Variants in TSC22D1 observed in about 807,000 individuals in gnomAD.
TSC22D1 encodes TSC22 domain family member 1.
In TSC22D1, 9 loss-of-function variants were observed where a neutral mutation model predicts 74.2. The observed-to-expected ratio is 0.12, with a 90% CI of 0.07 to 0.21. TSC22D1 has a LOEUF of 0.21. Ranked by LOEUF, TSC22D1 falls within the 10% of genes least tolerant of loss-of-function variation. The pLI is 1.00. For synonymous variants in TSC22D1, 586 were observed against 492.5 expected, an observed-to-expected ratio of 1.19 and a Z score of -2.51; for missense variants, 1,427 against 1,304.7, an observed-to-expected ratio of 1.09 and a Z score of -1.44.
At chr13:44,557,003 C>T (rs907223124) in intron 1 of TSC22D1, among the ~76,000 whole-genome samples, 9 of 151,270 alleles carry the variant, frequency 5.9e-5, no homozygotes, top group Non-Finnish European at 1.0e-4. Flanking sequence ...ATTAGCCAGG[C>T]ATGGTGGTGC....
At position 44,454,705 on chromosome 13, in the gene TSC22D1, T is replaced by C. The variant is rs1317891839; in HGVS notation, c.2913-18610A>G. Reference sequence around the variant, plus strand: ...CTACACGTTATGTATATTACCTCATTTAATCCTTTAAATAACCACCTCATC... The same window carrying C: ...CTACACGTTATGTATATTACCTCATCTAATCCTTTAAATAACCACCTCATC... On this transcript the variant is annotated intron_variant, in intron 1 of 2. Transcript: ENST00000458659. 2.6e-5 allele frequency among the ~76,000 whole-genome samples: 4 copies of C among 152,306 alleles called. No individual in the cohort carries two copies. In the South Asian group the frequency reaches 6.2e-4, roughly 24 times the overall value.
intron 1 of TSC22D1, among the ~76,000 whole-genome samples, chr13:44,510,247 C>G (rs1879651732): frequency 6.6e-6 from 1 of 151,590 alleles, no homozygotes; most frequent in African/African-American, 2.4e-5. Flanking sequence ...ACAAAATTAG[C>G]CGGGCGTGGT....
At chr13:44,443,618 G>A (rs1365806234) in intron 1 of TSC22D1, among the ~76,000 whole-genome samples, 1 of 152,218 alleles carries the variant, frequency 6.6e-6, no homozygotes, top group Non-Finnish European at 1.5e-5. Context: ...AAAGGCTGAG[G>A]TGGGAGAACC....
intron 1 of TSC22D1, among the ~76,000 whole-genome samples, chr13:44,446,457 G>A (rs1192189491): frequency 6.6e-6 from 1 of 151,930 alleles, no homozygotes; most frequent in African/African-American, 2.4e-5. Flanking sequence ...AGAACTCAAA[G>A]ATGGGAGCAA....
intron 1 of TSC22D1, among the ~76,000 whole-genome samples, chr13:44,448,890 T>A (rs890095086): frequency 1.8e-5 from 1 of 54,342 alleles, no homozygotes; most frequent in Non-Finnish European, 3.9e-5. Flanking sequence ...AAATTCTAGA[T>A]CCGTGTGTGT....
intron 1 of TSC22D1, among the ~76,000 whole-genome samples, chr13:44,494,892 C>A (rs552965211): frequency 2.6e-5 from 4 of 152,100 alleles, no homozygotes; most frequent in Admixed American, 2.6e-4. Context: ...TCAACAAATA[C>A]AGAATATCAG....
intron 1 of TSC22D1, among the ~76,000 whole-genome samples, chr13:44,449,921 G>C (rs1359379908): frequency 6.6e-6 from 1 of 152,150 alleles, no homozygotes; most frequent in Admixed American, 6.5e-5. Flanking sequence ...GAAAGGCCAG[G>C]AACTTTAGGC....
chr13:44,434,434 A>G lies in TSC22D1; in HGVS notation c.*192T>C. 1 of 1,355,654 alleles carries G rather than the reference A, an allele frequency of 7.4e-7. No individual in the cohort carries two copies. Among genetic ancestry groups the G allele is most frequent in the Non-Finnish European group, 9.4e-7 (1 of 1,062,124 alleles). 84.0% of individuals were successfully genotyped at this position (1,355,654 alleles called of 1,614,324 possible). On this transcript the variant is annotated 3_prime_UTR_variant, in exon 3 of 3. Coordinates refer to ENST00000458659, the MANE Select transcript of TSC22D1 (RefSeq NM_183422.4). ...CTCGGATTAACCTTTAATTCACCCA[A>G]CTAAGAAATTTCTCCAAGCCATAAG...
chr13:44,501,120 T>C (rs1273373349), intron 1 of TSC22D1, among the ~76,000 whole-genome samples: 1 of 152,180 alleles, frequency 6.6e-6, no homozygotes, highest in Non-Finnish European at 1.5e-5. Context: ...CCGAAAAGAA[T>C]AGTGATTTGG....
At chr13:44,462,725 G>C (rs1191802527) in intron 1 of TSC22D1, among the ~76,000 whole-genome samples, 1 of 152,008 alleles carries the variant, frequency 6.6e-6, no homozygotes, top group Non-Finnish European at 1.5e-5. Context: ...GTTGATATAG[G>C]CTCTATTTCC....
intron 1 of TSC22D1, among the ~76,000 whole-genome samples, chr13:44,550,063 T>C (rs927161092): frequency 6.6e-6 from 1 of 152,100 alleles, no homozygotes; most frequent in African/African-American, 2.4e-5. Context: ...GTCTGGAAAG[T>C]AAAATGTTGC....
rs183248226 is a variant in TSC22D1 at position 44,511,554 on chromosome 13, T to C, written c.2912+61609A>G. ...CATATAACTAATTGACATATAGTAATTGTTCAATATGACAATCCAAAAACA... is the reference window on the plus strand; with the variant it reads ...CATATAACTAATTGACATATAGTAACTGTTCAATATGACAATCCAAAAACA... On this transcript the variant is annotated intron_variant, in intron 1 of 2. Coordinates refer to ENST00000458659, the MANE Select transcript of TSC22D1 (RefSeq NM_183422.4). Among the ~76,000 whole-genome samples the C allele has an allele frequency of 2.4e-3, 372 of 152,068 alleles. 1 individual carries two copies. Among genetic ancestry groups the C allele is most frequent in the Middle Eastern group, 0.014 (4 of 292 alleles).
At position 44,434,555 on chromosome 13, in the gene TSC22D1, A is replaced by G. The variant is rs1446992608; in HGVS notation, c.*71T>C. On this transcript the variant is annotated 3_prime_UTR_variant, in exon 3 of 3. Coordinates refer to ENST00000458659, the MANE Select transcript of TSC22D1 (RefSeq NM_183422.4). ...ATGAAATGGGTGACTGTGGAGGCAGATTCTCCCTAGCACATCTTCTCCGTC... is the reference window on the plus strand; with the variant it reads ...ATGAAATGGGTGACTGTGGAGGCAGGTTCTCCCTAGCACATCTTCTCCGTC... 1.4e-6 allele frequency: 2 copies of G among 1,479,236 alleles called. No homozygotes were observed. The highest frequency in any genetic ancestry group is 5.1e-5 in the Admixed American group (2 of 39,258). The allele number at this position is 1,479,236 out of a possible 1,614,324, so 91.6% of individuals were successfully genotyped here.
chr13:44,499,743 G>A (rs748775053), intron 1 of TSC22D1, among the ~76,000 whole-genome samples: 4 of 152,118 alleles, frequency 2.6e-5, no homozygotes, highest in African/African-American at 4.8e-5. Context: ...ATATTTTACA[G>A]GTTTGGGATC....
intron 1 of TSC22D1, among the ~76,000 whole-genome samples, chr13:44,454,320 A>C (rs1876387648): frequency 6.6e-6 from 1 of 152,236 alleles, no homozygotes; most frequent in Admixed American, 6.5e-5. Context: ...TTTAACACTG[A>C]GGTATGCTTG....
At chr13:44,500,293 C>T (rs972951059) in intron 1 of TSC22D1, among the ~76,000 whole-genome samples, 2 of 152,018 alleles carry the variant, frequency 1.3e-5, no homozygotes, top group African/African-American at 4.8e-5. Flanking sequence ...TTAATCCCTT[C>T]TGGAAGAAAT....
At chr13:44,438,001 T>G (rs1874879053) in intron 1 of TSC22D1, among the ~76,000 whole-genome samples, 1 of 152,196 alleles carries the variant, frequency 6.6e-6, no homozygotes, top group African/African-American at 2.4e-5. Flanking sequence ...TAAAATAGCT[T>G]AACCCTTTCA....
rs767989400 is a variant in TSC22D1 at position 44,574,572 on chromosome 13, C to A, written c.1503G>T (p.Gln501His). The A allele has an allele frequency of 6.3e-7, 1 of 1,592,180 alleles. No individual in the cohort carries two copies. Among genetic ancestry groups the A allele is most frequent in the Admixed American group, 1.7e-5 (1 of 58,702 alleles). The change falls in exon 1 of 3, where the codon CAG (glutamine) becomes CAT (histidine). Residue 501 changes from glutamine to histidine, a missense_variant. Coordinates refer to ENST00000458659, the MANE Select transcript of TSC22D1 (RefSeq NM_183422.4). ...APTVVVQQQQ[Q>H]QQQQQQQQPA... ...GTTGTTGCTGTTGTTGTTGTTGTTGCTGCTGCTGCTGCTGCACCACCACAG... is the reference window on the plus strand; with the variant it reads ...GTTGTTGCTGTTGTTGTTGTTGTTGATGCTGCTGCTGCTGCACCACCACAG...
intron 1 of TSC22D1, among the ~76,000 whole-genome samples, chr13:44,493,305 AT>A (rs1275654548): frequency 6.6e-6 from 1 of 152,240 alleles, no homozygotes; most frequent in South Asian, 2.1e-4. Flanking sequence ...AGCAGATCTT[AT>A]TTTCAAAGAA....
Sources: gnomAD v4.1 joint callset for allele counts (sites outside exome capture counted in the v4.1 genomes callset) on GRCh38, gnomAD v4.1.1 for gene constraint, MANE v1.5 for transcripts, NCBI Gene and HGNC (gene_info 2026-07-23, HGNC 2026-07-21) for gene names.